The following NKAIN2 variants were observed in gnomAD, a reference collection of about 807,000 sequenced individuals.
NKAIN2 encodes sodium/potassium transporting ATPase interacting 2.
In NKAIN2, 14 loss-of-function variants were observed where a neutral mutation model predicts 32.6. The ratio of observed to expected loss-of-function variants is 0.43; its 90% CI spans 0.28 to 0.67. NKAIN2 has a LOEUF of 0.67. Among genes scored for constraint, NKAIN2 ranks in the 30% least tolerant of loss-of-function variants. The probability of loss-of-function intolerance (pLI) is 0.17; values close to 1 mark genes in which losing one functional copy is unlikely to be tolerated. For synonymous variants in NKAIN2, 80 were observed against 87.2 expected (o/e 0.92, Z 0.46); for missense variants, 198 against 258.3 (o/e 0.77, Z 1.60).
At chr6:123,988,494 G>A (rs566495768) in intron 1 of NKAIN2, among the ~76,000 whole-genome samples, 1 of 152,220 alleles carries the variant, frequency 6.6e-6, no homozygotes, top group South Asian at 2.1e-4. Context: ...GATTTACCAC[G>A]GAACAAGGAA....
intron 1 of NKAIN2, among the ~76,000 whole-genome samples, chr6:124,151,749 C>T (rs1018980059): frequency 5.9e-5 from 9 of 151,900 alleles, no homozygotes; most frequent in East Asian, 1.9e-4. Flanking sequence ...CAATGACTTA[C>T]GATGTAAGTG....
At chr6:124,509,364 A>G (rs756073105) in intron 3 of NKAIN2, among the ~76,000 whole-genome samples, 1 of 152,230 alleles carries the variant, frequency 6.6e-6, no homozygotes, top group African/African-American at 2.4e-5. Context: ...AATGCCAGCT[A>G]CATGAATGAG....
At chr6:124,590,763 C>T (rs1346538658) in intron 3 of NKAIN2, among the ~76,000 whole-genome samples, 4 of 141,994 alleles carry the variant, frequency 2.8e-5, no homozygotes, top group East Asian at 5.2e-4. Context: ...TGAAGAAAAA[C>T]GGGACCTTCT....
chr6:124,627,356 TAAAAC>T (rs1434719368), intron 3 of NKAIN2, among the ~76,000 whole-genome samples: 3 of 152,092 alleles, frequency 2.0e-5, no homozygotes, highest in East Asian at 1.9e-4. Flanking sequence ...CAAGAGGTGA[TAAAAC>T]AAATCAAGGA....
chr6:123,896,084 G>C (rs1239738960), intron 1 of NKAIN2, among the ~76,000 whole-genome samples: 1 of 152,154 alleles, frequency 6.6e-6, no homozygotes, highest in Non-Finnish European at 1.5e-5. Context: ...AACATTAACT[G>C]ATGTTCATAA....
At chr6:124,776,016 G>A (rs1332973455) in intron 4 of NKAIN2, among the ~76,000 whole-genome samples, 1 of 152,104 alleles carries the variant, frequency 6.6e-6, no homozygotes, top group East Asian at 1.9e-4. Context: ...GCCAGCTTCA[G>A]TACACGGCTC....
intron 3 of NKAIN2, among the ~76,000 whole-genome samples, chr6:124,430,617 G>C (rs977341069): frequency 3.3e-5 from 5 of 151,864 alleles, no homozygotes; most frequent in Admixed American, 3.3e-4. Context: ...CAACATGGTA[G>C]CTTCAGATAG....
At chr6:124,731,347 G>A (rs1484875644) in intron 4 of NKAIN2, among the ~76,000 whole-genome samples, 1 of 151,908 alleles carries the variant, frequency 6.6e-6, no homozygotes, top group African/African-American at 2.4e-5. Flanking sequence ...TTAAGAAAAT[G>A]TGGCACATAC....
At chr6:124,490,142 A>G (rs999489174) in intron 3 of NKAIN2, among the ~76,000 whole-genome samples, 3 of 151,850 alleles carry the variant, frequency 2.0e-5, no homozygotes, top group Non-Finnish European at 4.4e-5. Flanking sequence ...CTTATTCAGT[A>G]GAACTTCAGA....
chr6:124,107,864 T>C (rs1304052761), intron 1 of NKAIN2, among the ~76,000 whole-genome samples: 1 of 152,148 alleles, frequency 6.6e-6, no homozygotes, highest in Non-Finnish European at 1.5e-5. Flanking sequence ...TAGGATTTCC[T>C]TCTTTTTTAA....
At chr6:123,814,274 C>G (rs1316548388) in intron 1 of NKAIN2, among the ~76,000 whole-genome samples, 1 of 152,136 alleles carries the variant, frequency 6.6e-6, no homozygotes, top group Non-Finnish European at 1.5e-5. Flanking sequence ...CGAATGAATT[C>G]ATAGATTAAT....
chr6:124,358,177 G>C (rs923756471), intron 3 of NKAIN2, among the ~76,000 whole-genome samples: 1 of 152,116 alleles, frequency 6.6e-6, no homozygotes, highest in Middle Eastern at 3.2e-3. Context: ...GTCTATCATT[G>C]TTGGACATCT....
At chr6:124,416,912 T>TA (rs1175299148) in intron 3 of NKAIN2, among the ~76,000 whole-genome samples, 1 of 152,148 alleles carries the variant, frequency 6.6e-6, no homozygotes, top group Non-Finnish European at 1.5e-5. Flanking sequence ...CAAGTGGAGA[T>TA]ACTGCACTTT....
At chr6:124,540,967 A>G (rs1779889888) in intron 3 of NKAIN2, among the ~76,000 whole-genome samples, 1 of 152,136 alleles carries the variant, frequency 6.6e-6, no homozygotes. Context: ...TCAACTTATC[A>G]TGGGCTTATC....
chr6:123,864,166 T>G (rs1775895432), intron 1 of NKAIN2, among the ~76,000 whole-genome samples: 2 of 152,196 alleles, frequency 1.3e-5, no homozygotes, highest in African/African-American at 4.8e-5. Context: ...ATCTGCCAGC[T>G]AGTGTCTCCC....
intron 3 of NKAIN2, among the ~76,000 whole-genome samples, chr6:124,375,397 A>G (rs988954844): frequency 1.4e-5 from 2 of 147,804 alleles, no homozygotes; most frequent in African/African-American, 2.5e-5. Context: ...ATATATGTAT[A>G]TAAATTATAT....
At chr6:124,293,156 A>T (rs1583002893) in intron 2 of NKAIN2, among the ~76,000 whole-genome samples, 1 of 152,112 alleles carries the variant, frequency 6.6e-6, no homozygotes, top group Non-Finnish European at 1.5e-5. Context: ...GTTTCCTTCA[A>T]TTATTAAGAA....
At chr6:124,354,358 T>G (rs1178134511) in intron 2 of NKAIN2, among the ~76,000 whole-genome samples, 2 of 152,082 alleles carry the variant, frequency 1.3e-5, no homozygotes, top group East Asian at 3.8e-4. Context: ...TCTGGATGCT[T>G]CATACATTTT....
chr6:124,567,795 C>T (rs112864270), intron 3 of NKAIN2, among the ~76,000 whole-genome samples: 2,071 of 152,082 alleles, frequency 0.014, 46 homozygotes, highest in African/African-American at 0.047. Context: ...ATATACTTCT[C>T]TTTTTTTTAA....
Sources: allele counts gnomAD v4.1 joint callset (sites outside exome capture counted in the v4.1 genomes callset), GRCh38; gene constraint gnomAD v4.1.1; transcripts MANE v1.5; gene names NCBI Gene and HGNC (gene_info 2026-07-23, HGNC 2026-07-21).